FCHO1: variants seen among roughly 807,000 people sequenced by gnomAD.
The protein encoded by FCHO1 is FCH and mu domain containing endocytic adaptor 1.
Under a neutral mutation model 114.4 loss-of-function variants are expected in FCHO1, and 45 were observed. The ratio of observed to expected loss-of-function variants is 0.39; its 90% CI spans 0.31 to 0.50. FCHO1 has a LOEUF of 0.50. Among genes scored for constraint, FCHO1 ranks in the 20% least tolerant of loss-of-function variants. FCHO1 has a pLI of 0.77. For synonymous variants in FCHO1, 480 were observed against 488.9 expected (o/e 0.98, Z 0.24); for missense variants, 1,042 against 1,209.6 (o/e 0.86, Z 2.06).
chr19:17,774,996 G>A (rs2092413997), intron 13 of FCHO1, 60 bp from the exon 14 acceptor site: 1 of 1,599,968 alleles, frequency 6.3e-7, no homozygotes, highest in Non-Finnish European at 8.6e-7. Context: ...GTTGGGGGCT[G>A]ACAGGGGGCA....
intron 24 of FCHO1, 136 bp from the exon 25 acceptor site, chr19:17,783,967 A>G (rs2093652458): frequency 9.1e-7 from 1 of 1,096,544 alleles, no homozygotes; most frequent in Non-Finnish European, 1.3e-6. Context: ...TGCCCGCACC[A>G]CAACCACCCA....
At chr19:17,763,343 A>G (rs2087177675) in intron 5 of FCHO1, among the ~76,000 whole-genome samples, 2 of 147,004 alleles carry the variant, frequency 1.4e-5, no homozygotes, top group African/African-American at 5.1e-5. Flanking sequence ...GGCTCACTGT[A>G]ACCTCTGCCT....
At chr19:17,764,544 T>G in intron 6 of FCHO1, 95 bp downstream of exon 6, 3 of 965,800 alleles carry the variant, frequency 3.1e-6, no homozygotes, top group Non-Finnish European at 4.6e-6. Context: ...TAGAGTGTCA[T>G]CCACCTCGAT....
chr19:17,764,732 TTAA>T (rs2146673652), intron 6 of FCHO1, among the ~76,000 whole-genome samples: 1 of 152,212 alleles, frequency 6.6e-6, no homozygotes, highest in African/African-American at 2.4e-5. Context: ...AAGAGAGATG[TTAA>T]ATACAAACAA....
At position 17,766,766 on chromosome 19, in the gene FCHO1, G is replaced by T. The variant is rs1350032087; in HGVS notation, c.292G>T (p.Asp98Tyr). 12 of 1,614,018 alleles carry T rather than the reference G, an allele frequency of 7.4e-6. No individual in the cohort carries two copies. The African/African-American group carries it at 1.2e-4, about 16-fold the overall frequency. Residue 98 changes from aspartate to tyrosine, a missense_variant, in exon 7 of 29, where the codon GAC becomes TAC. Physicochemically the swap from Asp to Tyr is radical, Grantham distance 160. Around this residue, in one of 3 missense-constraint regions of FCHO1, gnomAD observed 450 missense variants for 564.1 expected, o/e 0.80. Coordinates refer to ENST00000596536, the MANE Select transcript of FCHO1 (RefSeq NM_015122.3). ...ACGGAAGTTACAGGATCTCATCAAG[G>T]ACGTTCTCCGCTACGGCGAGGAACA... ...LTRKLQDLIK[D>Y]VLRYGEEQLK... is the part of the protein sequence containing the mutation.
chr19:17,775,040 C>T lies in FCHO1; in HGVS notation c.921-16C>T. ...GCTGCGGAAGCTGACACCAACATCT[C>T]TTCCTCCATCCCCAGAGATTTCCTG... On this transcript the variant is annotated splice_polypyrimidine_tract_variant and intron_variant, in intron 13 of 28. Transcript: ENST00000596536. This position sits in a 1 kb window ranked among gnomAD's most constrained non-coding sequence, Gnocchi z 5.1. 4.3e-6 allele frequency: 7 copies of T among 1,613,564 alleles called. No individual in the cohort carries two copies. Among genetic ancestry groups the T allele is most frequent in the South Asian group, 1.1e-5 (1 of 91,020 alleles).
intron 20 of FCHO1, among the ~76,000 whole-genome samples, chr19:17,779,318 T>A (rs969160738): frequency 7.3e-5 from 11 of 151,686 alleles, no homozygotes; most frequent in Admixed American, 4.6e-4. Flanking sequence ...CAGGGAGGGC[T>A]TGTGAATGTT....
At chr19:17,779,754 T>G (rs1328468315) in intron 20 of FCHO1, among the ~76,000 whole-genome samples, 14 of 83,694 alleles carry the variant, frequency 1.7e-4, no homozygotes, top group East Asian at 8.1e-4. Flanking sequence ...AGGGGTGGAG[T>G]CAGGGAGGGG....
chr19:17,785,367 C>A (rs1396192108), intron 26 of FCHO1, among the ~76,000 whole-genome samples: 1 of 152,104 alleles, frequency 6.6e-6, no homozygotes, highest in Admixed American at 6.5e-5. Flanking sequence ...ATTACAGGTG[C>A]CTGCTACCAC....
rs141476892 is a variant in FCHO1, at chr19:17,756,915, G to A, written c.27+1724G>A. Among the ~76,000 whole-genome samples the A allele has an allele frequency of 7.4e-3, 1,125 of 152,238 alleles. 15 individuals are homozygous for A. The highest frequency in any genetic ancestry group is 0.026 in the African/African-American group (1,067 of 41,542). ...ACAAAGACCACACTCTTGGCTGGGC[G>A]CAGTGGCTCATGCCTGTAATCCCAG... On this transcript the variant is annotated intron_variant, in intron 4 of 28. Coordinates refer to ENST00000596536, the MANE Select transcript of FCHO1 (RefSeq NM_015122.3).
rs41383149 is a variant in FCHO1 at position 17,767,966 on chromosome 19, T to C, written c.336+1156T>C. On this transcript the variant is annotated intron_variant, in intron 7 of 28. Coordinates refer to ENST00000596536, the MANE Select transcript of FCHO1 (RefSeq NM_015122.3). Reference sequence around the variant, plus strand: ...AGAATTCCACAATATCCAAAGCTTATAATTGTAGAATCATAGATGCATTGT... The same window carrying C: ...AGAATTCCACAATATCCAAAGCTTACAATTGTAGAATCATAGATGCATTGT... 8.7e-3 allele frequency among the ~76,000 whole-genome samples: 1,333 copies of C among 152,356 alleles called. 19 individuals are homozygous for C. The highest frequency in any genetic ancestry group is 0.031 in the African/African-American group (1,272 of 41,588).
At chr19:17,760,763 C>G (rs1438696360) in intron 4 of FCHO1, among the ~76,000 whole-genome samples, 1 of 152,128 alleles carries the variant, frequency 6.6e-6, no homozygotes, top group Non-Finnish European at 1.5e-5. Context: ...GATTCTCCTG[C>G]CTCAGCTTCC....
intron 4 of FCHO1, among the ~76,000 whole-genome samples, chr19:17,760,471 G>A (rs548177160): frequency 9.9e-5 from 15 of 152,244 alleles, no homozygotes; most frequent in African/African-American, 2.9e-4. Context: ...CCTTTCATGC[G>A]GCAGAGGGTC....
Position 17,774,928 on chromosome 19 carries a change from T to C in FCHO1, c.921-128T>C, listed in dbSNP as rs2092402811. 3 of 1,037,042 alleles carry C rather than the reference T, an allele frequency of 2.9e-6. No homozygotes were observed. In the East Asian group the frequency reaches 7.2e-5, roughly 25 times the overall value. The allele number at this position is 1,037,042 out of a possible 1,614,324, so 64.2% of individuals were successfully genotyped here. A position where few individuals can be genotyped will look rare whatever the true frequency, so the allele number is the denominator to read the frequency against. ...GCAAGCCCCATGGTCCCACCGCCTC[T>C]AGGGCTAGCTCAGGGCAGTATCACA... On this transcript the variant is annotated intron_variant, in intron 13 of 28. Coordinates refer to ENST00000596536, the MANE Select transcript of FCHO1 (RefSeq NM_015122.3).
intron 4 of FCHO1, among the ~76,000 whole-genome samples, chr19:17,761,286 A>C (rs2086052062): frequency 6.6e-6 from 1 of 152,114 alleles, no homozygotes; most frequent in Non-Finnish European, 1.5e-5. Context: ...ACAAGAACAG[A>C]AAACACAACT....
At chr19:17,767,563 TAA>T (rs34862065) in intron 7 of FCHO1, among the ~76,000 whole-genome samples, 1 of 114,328 alleles carries the variant, frequency 8.7e-6, no homozygotes, top group Non-Finnish European at 1.7e-5. Flanking sequence ...AAAGACTGTC[TAA>T]AAAAAAAAAA....
In FCHO1 at chr19:17,775,051, C is replaced by G. The variant is rs764053402; in HGVS notation, c.921-5C>G. The G allele has an allele frequency of 2.5e-6, 4 of 1,613,454 alleles. No homozygotes were observed. Among genetic ancestry groups the G allele is most frequent in the Non-Finnish European group, 3.4e-6 (4 of 1,179,726 alleles). On this transcript the variant is annotated splice_region_variant and splice_polypyrimidine_tract_variant and intron_variant, in intron 13 of 28. Transcript: ENST00000596536. This position sits in a 1 kb window ranked among gnomAD's most constrained non-coding sequence, Gnocchi z 5.1. Reference sequence around the variant, plus strand: ...TGACACCAACATCTCTTCCTCCATCCCCAGAGATTTCCTGGAGCCCGATTC... The same window carrying G: ...TGACACCAACATCTCTTCCTCCATCGCCAGAGATTTCCTGGAGCCCGATTC...
At chr19:17,768,553 G>A (rs73518396) in intron 7 of FCHO1, among the ~76,000 whole-genome samples, 3 of 151,812 alleles carry the variant, frequency 2.0e-5, no homozygotes, top group Admixed American at 6.6e-5. Context: ...TTAGCCAGAC[G>A]TGGTGGCACA....
intron 5 of FCHO1, among the ~76,000 whole-genome samples, chr19:17,763,895 GA>G (rs923549402): frequency 6.6e-6 from 1 of 151,574 alleles, no homozygotes. Context: ...TATTACGTAA[GA>G]AAAAATCTTC....
Sources: gnomAD v4.1 joint callset for allele counts (sites outside exome capture counted in the v4.1 genomes callset) on GRCh38, gnomAD v4.1.1 for gene constraint, gnomAD v4.1.1 regional missense constraint, Gnocchi (gnomAD v3.1) non-coding constraint, MANE v1.5 for transcripts, NCBI Gene and HGNC (gene_info 2026-07-23, HGNC 2026-07-21) for gene names.